KCNJ6: variants seen among roughly 807,000 people sequenced by gnomAD.
KCNJ6 encodes the protein potassium inwardly rectifying channel subfamily J member 6.
In KCNJ6, 9 loss-of-function variants were observed where a neutral mutation model predicts 34.2. That is an observed-to-expected ratio of 0.26 (90% confidence interval 0.16 to 0.46). The LOEUF (loss-of-function observed/expected upper bound fraction) is 0.46, where lower values mean the gene tolerates loss of function less well. KCNJ6 is among the 20% of genes least tolerant of loss of function. The probability of loss-of-function intolerance (pLI) is 1.00; values close to 1 mark genes in which losing one functional copy is unlikely to be tolerated. For missense variants in KCNJ6, 236 were observed against 531.3 expected, an observed-to-expected ratio of 0.44 and a Z score of 5.46; for synonymous variants, 196 against 207.1, an observed-to-expected ratio of 0.95 and a Z score of 0.46.
chr21:37,653,941 C>T (rs988830944), intron 3 of KCNJ6, among the ~76,000 whole-genome samples: 10 of 152,034 alleles, frequency 6.6e-5, no homozygotes, highest in African/African-American at 2.4e-4. Context: ...AGTCCCACCC[C>T]AACAGAGACT....
At chr21:37,795,341 G>T (rs1400048349) in intron 2 of KCNJ6, among the ~76,000 whole-genome samples, 1 of 152,158 alleles carries the variant, frequency 6.6e-6, no homozygotes, top group African/African-American at 2.4e-5. Flanking sequence ...ACAGCAGGAG[G>T]TGCTGGGGTG....
At chr21:37,914,008 GGTGTGTGTGTGTGTGT>G (rs371432862) in intron 1 of KCNJ6, among the ~76,000 whole-genome samples, 54 of 135,584 alleles carry the variant, frequency 4.0e-4, no homozygotes, top group Non-Finnish European at 5.8e-4. Context: ...GGCGGATCGG[GGTGTGTGTGTGTGTGT>G]GTGTGTGTGT....
intron 2 of KCNJ6, among the ~76,000 whole-genome samples, chr21:37,837,679 T>C (rs888158807): frequency 2.6e-5 from 4 of 151,824 alleles, no homozygotes; most frequent in African/African-American, 9.7e-5. Context: ...AACCCATTCA[T>C]AGCATTGTGT....
chr21:37,845,955 A>G (rs916755083), intron 1 of KCNJ6, among the ~76,000 whole-genome samples: 4 of 152,146 alleles, frequency 2.6e-5, no homozygotes, highest in Non-Finnish European at 5.9e-5. Flanking sequence ...AATAAAAGGC[A>G]TTCATAGACA....
At position 37,614,887 on chromosome 21, in the gene KCNJ6, CATT is replaced by C. The variant is rs1432031151; in HGVS notation, c.*10269_*10271del. The C allele has an allele frequency of 1.3e-5, 2 of 151,806 alleles. No homozygotes were observed. Among genetic ancestry groups the C allele is most frequent in the Non-Finnish European group, 1.5e-5 (1 of 67,974 alleles). 9.4% of individuals were successfully genotyped at this position (151,806 alleles called of 1,614,324 possible). A position where few individuals can be genotyped will look rare whatever the true frequency, so the allele number is the denominator to read the frequency against. ...TGTGTTACTTATGAAGGACTGGGGA[CATT>C]ATTGTTGCATAGTGTAACATTCAGA... On this transcript the variant is annotated 3_prime_UTR_variant, in exon 4 of 4. Coordinates refer to ENST00000609713, the MANE Select transcript of KCNJ6 (RefSeq NM_002240.5).
chr21:37,609,725 GT>G lies in KCNJ6; in HGVS notation c.*15433del, dbSNP rs1354686206. The stretch of plus-strand genomic sequence containing the variant: ...CTCCTTAATTATCCTGTCTGGTTTA[GT>G]TTTTGTTTTGTTTTTCTGACTGGGG... On this transcript the variant is annotated 3_prime_UTR_variant, in exon 4 of 4. Coordinates refer to ENST00000609713, the MANE Select transcript of KCNJ6 (RefSeq NM_002240.5). 1 of 152,142 alleles carries G rather than the reference GT, an allele frequency of 6.6e-6. No individual in the cohort carries two copies. Among genetic ancestry groups the G allele is most frequent in the Non-Finnish European group, 1.5e-5 (1 of 68,030 alleles). 9.4% of individuals were successfully genotyped at this position (152,142 alleles called of 1,614,324 possible).
intron 3 of KCNJ6, among the ~76,000 whole-genome samples, chr21:37,649,760 T>A (rs2054423849): frequency 6.6e-6 from 1 of 152,180 alleles, no homozygotes; most frequent in Admixed American, 6.5e-5. Context: ...CTGTTTGTTC[T>A]ATGTCTCTAA....
At chr21:37,839,223 A>G (rs1410262394) in intron 2 of KCNJ6, among the ~76,000 whole-genome samples, 1 of 152,190 alleles carries the variant, frequency 6.6e-6, no homozygotes, top group East Asian at 1.9e-4. Flanking sequence ...AGTTTGCAAG[A>G]CTACAGGTGG....
At chr21:37,778,618 C>T (rs1002294685) in intron 2 of KCNJ6, among the ~76,000 whole-genome samples, 1 of 152,148 alleles carries the variant, frequency 6.6e-6, no homozygotes, top group Admixed American at 6.6e-5. Context: ...TGGCATCCAT[C>T]TCAGTCTTGG....
chr21:37,903,143 T>C (rs973987847), intron 1 of KCNJ6, among the ~76,000 whole-genome samples: 1 of 152,208 alleles, frequency 6.6e-6, no homozygotes, highest in Non-Finnish European at 1.5e-5. Context: ...TTTCTCATGA[T>C]ATGATTTGGC....
chr21:37,698,400 G>T (rs2054673587), intron 3 of KCNJ6, among the ~76,000 whole-genome samples: 1 of 152,242 alleles, frequency 6.6e-6, no homozygotes, highest in Admixed American at 6.5e-5. Flanking sequence ...GGCTGGGAGT[G>T]CGGGAGGGGG....
intron 3 of KCNJ6, among the ~76,000 whole-genome samples, chr21:37,628,972 G>C (rs1384119704): frequency 6.6e-6 from 1 of 152,176 alleles, no homozygotes; most frequent in Non-Finnish European, 1.5e-5. Context: ...GAGAAATGAA[G>C]CCATTCCATG....
intron 1 of KCNJ6, among the ~76,000 whole-genome samples, chr21:37,896,918 G>T (rs2055791421): frequency 6.6e-6 from 1 of 152,206 alleles, no homozygotes; most frequent in South Asian, 2.1e-4. Context: ...AAAAGGAAAA[G>T]AAGAAATGAG....
At chr21:37,811,401 T>A (rs1265480996) in intron 2 of KCNJ6, among the ~76,000 whole-genome samples, 1 of 152,182 alleles carries the variant, frequency 6.6e-6, no homozygotes, top group Non-Finnish European at 1.5e-5. Flanking sequence ...TGGGAGGATG[T>A]CCAGGACTTG....
chr21:37,730,677 C>A lies in KCNJ6; in HGVS notation c.26-15546G>T, dbSNP rs529065361. On this transcript the variant is annotated intron_variant, in intron 2 of 3. Coordinates refer to ENST00000609713, the MANE Select transcript of KCNJ6 (RefSeq NM_002240.5). Reference sequence around the variant, plus strand: ...GGCAGACCCATCTGGAAGCTAAGAGCCTGCTTGGTAACACAAAACCTGCAT... The same window carrying A: ...GGCAGACCCATCTGGAAGCTAAGAGACTGCTTGGTAACACAAAACCTGCAT... Among the ~76,000 whole-genome samples the A allele has an allele frequency of 4.0e-4, 61 of 152,282 alleles. 1 individual carries two copies. The highest frequency in any genetic ancestry group is 1.4e-3 in the African/African-American group (57 of 41,554).
chr21:37,667,185 TTAAATG>T (rs2054518565), intron 3 of KCNJ6, among the ~76,000 whole-genome samples: 7 of 21,494 alleles, frequency 3.3e-4, no homozygotes, highest in Admixed American at 5.1e-4. Context: ...AAAAAAAAAA[TTAAATG>T]AGGCAACGCA....
intron 2 of KCNJ6, among the ~76,000 whole-genome samples, chr21:37,815,223 G>T (rs544392588): frequency 7.4e-4 from 112 of 152,120 alleles, no homozygotes; most frequent in Non-Finnish European, 1.4e-3. Flanking sequence ...GGTGACTATA[G>T]TCAATAATAA....
At chr21:37,899,204 G>A (rs1048965476) in intron 1 of KCNJ6, among the ~76,000 whole-genome samples, 2 of 152,146 alleles carry the variant, frequency 1.3e-5, no homozygotes, top group Non-Finnish European at 2.9e-5. Flanking sequence ...AAAGGTGGAA[G>A]AACAGTGAGA....
chr21:37,914,030 T>C (rs1244399933), intron 1 of KCNJ6, among the ~76,000 whole-genome samples: 2 of 149,404 alleles, frequency 1.3e-5, no homozygotes, highest in Non-Finnish European at 1.5e-5. Context: ...TGTGTGTGTG[T>C]GTGTGTGTGT....
Sources: allele counts gnomAD v4.1 joint callset (sites outside exome capture counted in the v4.1 genomes callset), GRCh38; gene constraint gnomAD v4.1.1; transcripts MANE v1.5; gene names NCBI Gene and HGNC (gene_info 2026-07-23, HGNC 2026-07-21).